CPNE4: variants seen among roughly 807,000 people sequenced by gnomAD.
The protein encoded by CPNE4 is copine-4.
In CPNE4, 25 loss-of-function variants were observed where a neutral mutation model predicts 67.9. The observed-to-expected ratio is 0.37, with a 90% confidence interval of 0.27 to 0.51. The LOEUF (loss-of-function observed/expected upper bound fraction) is 0.51. Ranked by LOEUF, CPNE4 falls within the 20% of genes least tolerant of loss-of-function variation. CPNE4 has a pLI of 0.93. For missense variants in CPNE4, 464 were observed against 690.8 expected (o/e 0.67, Z 3.68); for synonymous variants, 242 against 244.9 (o/e 0.99, Z 0.11).
chr3:131,648,229 AG>A (rs1359660052), intron 7 of CPNE4, among the ~76,000 whole-genome samples: 1 of 152,160 alleles, frequency 6.6e-6, no homozygotes, highest in African/African-American at 2.4e-5. Flanking sequence ...AAAATTAGCC[AG>A]GTGTGATGGC....
At chr3:131,694,880 C>A in intron 5 of CPNE4, among the ~76,000 whole-genome samples, 1 of 152,222 alleles carries the variant, frequency 6.6e-6, no homozygotes, top group Non-Finnish European at 1.5e-5. Context: ...GATTGAATTT[C>A]TGACCCTCAC....
chr3:131,843,637 G>A (rs55957428), intron 2 of CPNE4, among the ~76,000 whole-genome samples: 36 of 152,304 alleles, frequency 2.4e-4, no homozygotes, highest in Non-Finnish European at 4.0e-4. Context: ...ATTGTTGTTT[G>A]AAATTGTCCT....
chr3:131,978,217 TAATAA>T (rs2072748451), intron 1 of CPNE4, among the ~76,000 whole-genome samples: 4 of 33,572 alleles, frequency 1.2e-4, no homozygotes, highest in African/African-American at 1.0e-3. Context: ...ATAATATATA[TAATAA>T]ATTTACATAT....
intron 2 of CPNE4, among the ~76,000 whole-genome samples, chr3:131,761,210 CTTTTT>C (rs151161125): frequency 3.3e-5 from 4 of 119,468 alleles, no homozygotes; most frequent in Admixed American, 1.8e-4. Flanking sequence ...TCACTTCGTA[CTTTTT>C]TTTTTTTTTT....
At chr3:131,759,559 G>A (rs1289127395) in intron 2 of CPNE4, among the ~76,000 whole-genome samples, 1 of 152,020 alleles carries the variant, frequency 6.6e-6, no homozygotes, top group Non-Finnish European at 1.5e-5. Flanking sequence ...GAGCCCTTAG[G>A]CCAAGCAAGA....
chr3:131,711,778 T>G (rs921064417), intron 3 of CPNE4, among the ~76,000 whole-genome samples: 14 of 152,226 alleles, frequency 9.2e-5, no homozygotes, highest in African/African-American at 2.9e-4. Flanking sequence ...ACTATTCTCT[T>G]TCCCAAATAA....
At chr3:131,854,700 G>C (rs115975112) in intron 2 of CPNE4, among the ~76,000 whole-genome samples, 7,755 of 151,746 alleles carry the variant, frequency 0.051, 626 homozygotes, top group African/African-American at 0.17. Context: ...TTTAGGCAGA[G>C]GGTGTGTGTC....
chr3:131,651,051 C>G (rs1028799780), intron 7 of CPNE4, among the ~76,000 whole-genome samples: 1 of 152,092 alleles, frequency 6.6e-6, no homozygotes, highest in East Asian at 1.9e-4. Context: ...CTAGGTGAGG[C>G]TCTGAAGAGA....
rs189675516 is a variant in CPNE4 at position 131,879,400 on chromosome 3, G to A, written c.180+25864C>T. On this transcript the variant is annotated intron_variant, in intron 2 of 15. Transcript: ENST00000429747. ...GTAAAAGAAGCCAGCTGATTTATTCGACATTAACATACTCTATCTTCTATG... is the reference window on the plus strand; with the variant it reads ...GTAAAAGAAGCCAGCTGATTTATTCAACATTAACATACTCTATCTTCTATG... Among the ~76,000 whole-genome samples, 214 of 152,142 alleles carry A rather than the reference G, an allele frequency of 1.4e-3. 2 individuals carry two copies. Among genetic ancestry groups the A allele is most frequent in the African/African-American group, 4.9e-3 (202 of 41,496 alleles).
intron 1 of CPNE4, among the ~76,000 whole-genome samples, chr3:131,957,164 T>C (rs534007726): frequency 4.6e-5 from 7 of 152,280 alleles, no homozygotes; most frequent in Admixed American, 6.5e-5. Flanking sequence ...TCTGTTATCA[T>C]AGCACATCCC....
rs1010002261 is a variant in CPNE4 at position 132,033,390 on chromosome 3, AGTGT to A, written c.-2+1173_-2+1176del. Among the ~76,000 whole-genome samples the A allele has an allele frequency of 1.4e-3, 160 of 111,764 alleles. 1 individual carries two copies. The East Asian group carries it at 0.033, about 23-fold the overall frequency. 73.3% of individuals were successfully genotyped at this position (111,764 alleles called of 152,430 possible). On this transcript the variant is annotated intron_variant, in intron 1 of 15. Transcript: ENST00000429747. Reference sequence around the variant, plus strand: ...CACTGAAATCCTGTGAGAGTGTGTGAGTGTGTGTGTGTGTCTGTGTGTGTGTGTG... The same window carrying A: ...CACTGAAATCCTGTGAGAGTGTGTGAGTGTGTGTGTCTGTGTGTGTGTGTG...
chr3:131,606,626 G>A (rs1559972964), intron 7 of CPNE4, among the ~76,000 whole-genome samples: 1 of 152,082 alleles, frequency 6.6e-6, no homozygotes, highest in East Asian at 1.9e-4. Context: ...TTATCCTTGG[G>A]CACAAAATCA....
intron 13 of CPNE4, among the ~76,000 whole-genome samples, chr3:131,551,741 T>A (rs543374539): frequency 6.6e-6 from 1 of 152,234 alleles, no homozygotes; most frequent in African/African-American, 2.4e-5. Context: ...TGGACATTTC[T>A]AATGCAAAAA....
intron 2 of CPNE4, among the ~76,000 whole-genome samples, chr3:131,772,421 C>T (rs1239794577): frequency 6.6e-6 from 1 of 152,114 alleles, no homozygotes; most frequent in Non-Finnish European, 1.5e-5. Context: ...ACAGTGTGTA[C>T]AGAATGTGTG....
chr3:131,728,295 C>G (rs2082044633), intron 2 of CPNE4, among the ~76,000 whole-genome samples: 1 of 152,172 alleles, frequency 6.6e-6, no homozygotes, highest in African/African-American at 2.4e-5. Context: ...CTGTTATTAT[C>G]CTCTCTTACT....
At chr3:132,026,590 T>A (rs867192851) in intron 1 of CPNE4, among the ~76,000 whole-genome samples, 3 of 152,336 alleles carry the variant, frequency 2.0e-5, no homozygotes, top group South Asian at 4.1e-4. Context: ...ACTATTAATA[T>A]CTAACCCACA....
chr3:131,690,521 C>T (rs2081010650), intron 5 of CPNE4, among the ~76,000 whole-genome samples: 1 of 152,090 alleles, frequency 6.6e-6, no homozygotes, highest in Non-Finnish European at 1.5e-5. Flanking sequence ...TTACATTTCA[C>T]CATATACAAA....
intron 15 of CPNE4, chr3:131,538,688 A>T (rs773062276): frequency 2.6e-5 from 4 of 152,242 alleles, no homozygotes; most frequent in Admixed American, 2.0e-4. Context: ...ATGTGCTGGG[A>T]ACTTAATGAT....
At chr3:132,012,311 G>A (rs1254235020) in intron 1 of CPNE4, among the ~76,000 whole-genome samples, 1 of 151,776 alleles carries the variant, frequency 6.6e-6, no homozygotes, top group Non-Finnish European at 1.5e-5. Flanking sequence ...TAGAATTACA[G>A]GCATGTGTCA....
Sources: gnomAD v4.1 joint callset for allele counts (sites outside exome capture counted in the v4.1 genomes callset) on GRCh38, gnomAD v4.1.1 for gene constraint, MANE v1.5 for transcripts, NCBI Gene and HGNC (gene_info 2026-07-23, HGNC 2026-07-21) for gene names.